Variants in ERCC2 observed in about 807,000 individuals in gnomAD.
ERCC2 encodes ERCC excision repair 2, TFIIH core complex helicase subunit.
ERCC2 carries 90 observed loss-of-function variants against 99.4 expected under a neutral mutation model. The observed-to-expected ratio is 0.91, with a 90% confidence interval of 0.76 to 1.08. The LOEUF is 1.08. ERCC2 is among the 50% of genes least tolerant of loss of function. The pLI is 0.00. For missense variants in ERCC2, 993 were observed against 1,038.1 expected (o/e 0.96, Z 0.60); for synonymous variants, 497 against 432.4 (o/e 1.15, Z -1.85).
In ERCC2 at chr19:45,355,986, T is replaced by C. The variant is rs569947503; in HGVS notation, c.1480-258A>G. On this transcript the variant is annotated intron_variant, in intron 15 of 22. Transcript: ENST00000391945. ...AAACTTTTTATAAACACAGTGTCAT[T>C]GAATGAACCCTCAGCAACCCTGTTA... Among the ~76,000 whole-genome samples the C allele has an allele frequency of 9.9e-5, 15 of 152,230 alleles. No individual in the cohort carries two copies. The South Asian group carries it at 2.9e-3, about 30-fold the overall frequency.
In ERCC2 at chr19:45,361,586, G is replaced by A; in HGVS notation, c.1175C>T (p.Ala392Val). The A allele has an allele frequency of 6.2e-7, 1 of 1,614,082 alleles. No individual in the cohort carries two copies. The highest frequency in any genetic ancestry group is 1.1e-5 in the South Asian group (1 of 91,088). Residue 392 changes from alanine (A) to valine (V), a missense_variant, in exon 12 of 23, where the codon GCT becomes GTT. Physicochemically the swap from Ala to Val is moderately conservative, Grantham distance 64. Coordinates refer to ENST00000391945, the MANE Select transcript of ERCC2 (RefSeq NM_000400.4). ...LLHTLEITDLADFSPLTLLAN... is the reference protein window; with the variant it reads ...LLHTLEITDLVDFSPLTLLAN... ...AAGGAGGGTGAGCGGGGAGAAGTCA[G>A]CAAGGTCGGTGATCTCCAGAGTATG... is the stretch of plus-strand genomic sequence containing the variant.
chr19:45,367,480 T>C (rs1191240343), intron 5 of ERCC2, among the ~76,000 whole-genome samples: 1 of 151,664 alleles, frequency 6.6e-6, no homozygotes, highest in Non-Finnish European at 1.5e-5. Context: ...TTACCACATG[T>C]AAAGTATTCA....
intron 2 of ERCC2, among the ~76,000 whole-genome samples, chr19:45,369,463 T>TC (rs548799595): frequency 2.6e-5 from 4 of 151,896 alleles, no homozygotes; most frequent in Non-Finnish European, 5.9e-5. Flanking sequence ...GGTCAGAAGT[T>TC]CAAGACCAGC....
rs145947678 is a variant in ERCC2, at chr19:45,368,696, C to G, written c.294G>C (p.Glu98Asp). 2.1e-4 allele frequency: 346 copies of G among 1,614,104 alleles called. 4 individuals are homozygous for G. In the South Asian group the frequency reaches 3.7e-3, roughly 17 times the overall value. The change falls in exon 5 of 23, where the codon GAG becomes GAC. Residue 98 changes from glutamate to aspartate, a missense_variant. Transcript: ENST00000391945. ...RKLLNFYEKQ[E>D]GEKLPFLGLA... ...GTCCCAGAAACGGCAGCTTCTCGCC[C>G]TCCTGCTTCTCATAGAAGTTGAGCA...
In ERCC2 at chr19:45,370,524, C is replaced by A; in HGVS notation, c.5+12G>T. 4 of 1,590,078 alleles carry A rather than the reference C, an allele frequency of 2.5e-6. No homozygotes were observed. Among genetic ancestry groups the A allele is most frequent in the Non-Finnish European group, 2.6e-6 (3 of 1,173,376 alleles). On this transcript the variant is annotated intron_variant, in intron 1 of 22. Coordinates refer to ENST00000391945, the MANE Select transcript of ERCC2 (RefSeq NM_000400.4). ...GCCCGCTAGCGAGCGCGACCCCCAG[C>A]CCCCTTCTCACTTCATGGCGCCGGC...
Position 45,364,418 on chromosome 19 carries a change from C to G in ERCC2, c.718+6G>C, listed in dbSNP as rs3916812. 1 of 1,613,910 alleles carries G rather than the reference C, an allele frequency of 6.2e-7. No homozygotes were observed. The highest frequency in any genetic ancestry group is 1.7e-5 in the Admixed American group (1 of 60,012). ...GCATCCCTTTGGCCCCTGGCGCCCC[C>G]CTCACCAATGTTGTGGGCCTCGTCG... On this transcript the variant is annotated splice_donor_region_variant and intron_variant, in intron 8 of 22. Coordinates refer to ENST00000391945, the MANE Select transcript of ERCC2 (RefSeq NM_000400.4).
chr19:45,365,164 G>C lies in ERCC2; in HGVS notation c.361-6C>G. Reference sequence around the variant, plus strand: ...CCAAAGCGCAGGGGTGTCACCTGGGGGTGTGGGGCATCTTAGCACCCAGAC... The same window carrying C: ...CCAAAGCGCAGGGGTGTCACCTGGGCGTGTGGGGCATCTTAGCACCCAGAC... On this transcript the variant is annotated splice_polypyrimidine_tract_variant and splice_region_variant and intron_variant, in intron 5 of 22. Transcript: ENST00000391945. The C allele has an allele frequency of 6.2e-7, 1 of 1,611,266 alleles. No homozygotes were observed. The highest frequency in any genetic ancestry group is 8.5e-7 in the Non-Finnish European group (1 of 1,177,418).
rs752110520 is a variant in ERCC2 at position 45,351,044 on chromosome 19, A to G, written c.*585T>C. 1.2e-6 allele frequency: 2 copies of G among 1,613,982 alleles called. No homozygotes were observed. Among genetic ancestry groups the G allele is most frequent in the Admixed American group, 1.7e-5 (1 of 60,008 alleles). ...TGAGGGGGACATCTGGGTCAAAAAT[A>G]GAGGAGGCCATGTGGGTAGGTGCAG... On this transcript the variant is annotated 3_prime_UTR_variant, in exon 23 of 23. Coordinates refer to ENST00000391945, the MANE Select transcript of ERCC2 (RefSeq NM_000400.4).
In ERCC2 at chr19:45,350,958, A is replaced by G. The variant is rs750878836; in HGVS notation, c.*671T>C. 2.5e-6 allele frequency: 4 copies of G among 1,614,080 alleles called. No homozygotes were observed. The highest frequency in any genetic ancestry group is 4.5e-5 in the East Asian group (2 of 44,872). ...TCCCTGCTGCCCTCTTTGCAGAATG[A>G]AGAGAGCCATGTCACTCAACACACT... On this transcript the variant is annotated 3_prime_UTR_variant, in exon 23 of 23. Coordinates refer to ENST00000391945, the MANE Select transcript of ERCC2 (RefSeq NM_000400.4).
intron 12 of ERCC2, chr19:45,358,183 G>T: frequency 4.3e-6 from 1 of 230,268 alleles, no homozygotes; most frequent in African/African-American, 2.3e-5. Context: ...TTGAGTAGCT[G>T]GGATTATAGG....
chr19:45,359,340 G>A (rs1455938702), intron 12 of ERCC2, among the ~76,000 whole-genome samples: 3 of 152,154 alleles, frequency 2.0e-5, no homozygotes, highest in Non-Finnish European at 2.9e-5. Context: ...GAGAGACAGA[G>A]GCAGAAGCAG....
In ERCC2 at chr19:45,354,866, A is replaced by C; in HGVS notation, c.1544-15T>G. The C allele has an allele frequency of 6.2e-7, 1 of 1,613,806 alleles. No homozygotes were observed. Among genetic ancestry groups the C allele is most frequent in the East Asian group, 2.2e-5 (1 of 44,872 alleles). ...CCGGATCACAGCTGCAAGGGGTCAG[A>C]GGTTGGGCCCTCTCCTGGCCCAGGT... On this transcript the variant is annotated splice_polypyrimidine_tract_variant and intron_variant, in intron 16 of 22. Transcript: ENST00000391945.
In ERCC2 at chr19:45,364,419, CT is replaced by C; in HGVS notation, c.718+4del. On this transcript the variant is annotated splice_donor_region_variant and intron_variant, in intron 8 of 22. Coordinates refer to ENST00000391945, the MANE Select transcript of ERCC2 (RefSeq NM_000400.4). ...CATCCCTTTGGCCCCTGGCGCCCCC[CT>C]CACCAATGTTGTGGGCCTCGTCGAA... 6.2e-7 allele frequency: 1 copy of C among 1,613,920 alleles called. No homozygotes were observed. The highest frequency in any genetic ancestry group is 1.1e-5 in the South Asian group (1 of 91,080).
chr19:45,361,649 GGGA>G lies in ERCC2; in HGVS notation c.1119-10_1119-8del, dbSNP rs759726465. On this transcript the variant is annotated splice_polypyrimidine_tract_variant and splice_region_variant and intron_variant, in intron 11 of 22. Coordinates refer to ENST00000391945, the MANE Select transcript of ERCC2 (RefSeq NM_000400.4). ...GAGGCGTTCAGCACAGAATCTGGCG[GGGA>G]GGAGAGACGGGGTCGGGGGGCAGAC... The G allele has an allele frequency of 1.2e-6, 2 of 1,605,944 alleles. No individual in the cohort carries two copies. Among genetic ancestry groups the G allele is most frequent in the East Asian group, 2.2e-5 (1 of 44,830 alleles).
Position 45,370,123 on chromosome 19 carries a change from G to C in ERCC2, c.105+10C>G, listed in dbSNP as rs1411868085. 6.2e-7 allele frequency: 1 copy of C among 1,612,404 alleles called. No individual in the cohort carries two copies. The highest frequency in any genetic ancestry group is 8.5e-7 in the Non-Finnish European group (1 of 1,178,870). ...GTCGAGTGGGCGGGTCGGGCCCACC[G>C]GCCACCCACCTTGGCGTCCAGCGTG... On this transcript the variant is annotated intron_variant, in intron 2 of 22. Transcript: ENST00000391945.
rs751029476 is a variant in ERCC2, at chr19:45,357,647, G to A, written c.1290C>T (p.Asn430=). The change falls in exon 13 of 23, where the codon AAC becomes AAT. Residue 430 remains asparagine (N), a synonymous_variant. Transcript: ENST00000391945. ...PFDDRTPTIA[N]PILHFSCMDA... ...GGTCCCACCTGAAGTGCAGGATGGG[G>A]TTGGCAATGGTCGGGGTTCTGTCGT... is the stretch of plus-strand genomic sequence containing the variant. 6.2e-7 allele frequency: 1 copy of A among 1,614,122 alleles called. No homozygotes were observed. Among genetic ancestry groups the A allele is most frequent in the Non-Finnish European group, 8.5e-7 (1 of 1,180,016 alleles).
At chr19:45,351,805 G>A (rs55811972) in intron 22 of ERCC2, 84 bp from the exon 23 acceptor site, 32 of 1,158,386 alleles carry the variant, frequency 2.8e-5, no homozygotes, top group African/African-American at 1.8e-4. Context: ...CCACCCCCCC[G>A]AATGGCCAGT....
rs143297891 is a variant in ERCC2 at position 45,356,432 on chromosome 19, T to C, written c.1480-704A>G. ...TTTACTGCCGAAATGGGAGTTTGAC[T>C]CGGGGGAGCTGCCCAGACCCCACTG... On this transcript the variant is annotated intron_variant, in intron 15 of 22. Coordinates refer to ENST00000391945, the MANE Select transcript of ERCC2 (RefSeq NM_000400.4). 3.0e-4 allele frequency among the ~76,000 whole-genome samples: 45 copies of C among 152,308 alleles called. No homozygotes were observed. In the East Asian group the frequency reaches 8.7e-3, roughly 29 times the overall value.
In ERCC2 at chr19:45,352,546, CT is replaced by C. The variant is rs1233791234; in HGVS notation, c.2005del (p.Arg669GlyfsTer40). On this transcript the variant is annotated frameshift_variant, in exon 21 of 23. Coordinates refer to ENST00000391945, the MANE Select transcript of ERCC2 (RefSeq NM_000400.4). LOFTEE classifies it high-confidence loss of function. ...HAAQCVGRAI[R>X]GKTDYGLMVF... The stretch of plus-strand genomic sequence containing the variant: ...CATGAGGCCGTAGTCCGTCTTGCCC[CT>C]GATGGCCCGACCCACACACTGGGCC... The C allele has an allele frequency of 3.3e-5, 54 of 1,614,078 alleles. No individual in the cohort carries two copies. The highest frequency in any genetic ancestry group is 4.4e-5 in the Non-Finnish European group (52 of 1,179,962).
Sources: allele counts gnomAD v4.1 joint callset (sites outside exome capture counted in the v4.1 genomes callset), GRCh38; gene constraint gnomAD v4.1.1; transcripts MANE v1.5; gene names NCBI Gene and HGNC (gene_info 2026-07-23, HGNC 2026-07-21).